Variants in RRP1 observed in about 807,000 individuals in gnomAD.
The protein encoded by RRP1 is ribosomal RNA processing 1.
In RRP1, 37 loss-of-function variants were observed where a neutral mutation model predicts 54.6. The ratio of observed to expected loss-of-function variants is 0.68; its 90% CI spans 0.52 to 0.89. RRP1 has a LOEUF of 0.89. Ranked by LOEUF, RRP1 falls within the 40% of genes least tolerant of loss-of-function variation. The pLI, the probability that RRP1 is intolerant of heterozygous loss-of-function variation, is 0.00. For synonymous variants in RRP1, 262 were observed against 244.3 expected (o/e 1.07, Z -0.67); for missense variants, 639 against 612.5 (o/e 1.04, Z -0.46).
chr21:43,796,700 A>G (rs2123413754), intron 5 of RRP1, among the ~76,000 whole-genome samples: 1 of 152,238 alleles, frequency 6.6e-6, no homozygotes, highest in Admixed American at 6.5e-5. Flanking sequence ...TTTCCTTTCC[A>G]TCACGAGTGA....
chr21:43,800,357 G>C lies in RRP1; in HGVS notation c.892-160G>C, dbSNP rs56307626. ...TGCCCGCTGTGCTGTAGAGTGGGTG[G>C]AGCTGCAGGACCCTCAGTGAGGGTG... On this transcript the variant is annotated intron_variant, in intron 9 of 12. Transcript: ENST00000497547. Among the ~76,000 whole-genome samples, 648 of 152,284 alleles carry C rather than the reference G, an allele frequency of 4.3e-3. 8 individuals carry two copies. Among genetic ancestry groups the C allele is most frequent in the African/African-American group, 0.015 (626 of 41,548 alleles).
chr21:43,802,954 A>C (rs2085109054), intron 12 of RRP1, among the ~76,000 whole-genome samples: 1 of 152,236 alleles, frequency 6.6e-6, no homozygotes, highest in South Asian at 2.1e-4. Flanking sequence ...CGGGCAGGGC[A>C]GGGGGCCCAT....
At chr21:43,795,128 T>G in intron 4 of RRP1, 61 bp from the exon 5 acceptor site, 2 of 1,468,532 alleles carry the variant, frequency 1.4e-6, no homozygotes, top group Non-Finnish European at 1.9e-6. Context: ...TACATGGGGA[T>G]GGGTGGTCTG....
At chr21:43,796,505 T>C (rs768340967) in intron 5 of RRP1, among the ~76,000 whole-genome samples, 1 of 152,200 alleles carries the variant, frequency 6.6e-6, no homozygotes, top group Non-Finnish European at 1.5e-5. Context: ...GTCCCAGTGC[T>C]GACAGTGGGG....
rs1892043554 is a variant in RRP1 at position 43,805,132 on chromosome 21, C to T, written c.*1358C>T. 1 of 152,282 alleles carries T rather than the reference C, an allele frequency of 6.6e-6. No individual in the cohort carries two copies. The highest frequency in any genetic ancestry group is 1.5e-5 in the Non-Finnish European group (1 of 68,140). The allele number at this position is 152,282 out of a possible 1,614,324, so 9.4% of individuals were successfully genotyped here. ...ATCTCTACTAAAATACAAAATTAGC[C>T]AGGCGTGGTGGCACATGCCTGTAAT... On this transcript the variant is annotated 3_prime_UTR_variant, in exon 13 of 13. Coordinates refer to ENST00000497547, the MANE Select transcript of RRP1 (RefSeq NM_003683.6).
chr21:43,802,524 C>T, intron 12 of RRP1, 137 bp downstream of exon 12: 1 of 692,998 alleles, frequency 1.4e-6, no homozygotes, highest in Non-Finnish European at 2.6e-6. Context: ...GCTATCCACG[C>T]ATCCCGGAAA....
intron 4 of RRP1, among the ~76,000 whole-genome samples, chr21:43,794,903 T>C (rs1402102351): frequency 1.3e-5 from 2 of 152,004 alleles, no homozygotes; most frequent in African/African-American, 4.8e-5. Context: ...ACTGGAGTCG[T>C]AGGACTGTCC....
At chr21:43,802,530 G>A (rs187365383) in intron 12 of RRP1, 143 bp downstream of exon 12, 76 of 671,566 alleles carry the variant, frequency 1.1e-4, no homozygotes, top group African/African-American at 9.5e-4. Context: ...CACGCATCCC[G>A]GAAATGCCCT....
intron 12 of RRP1, 76 bp downstream of exon 12, chr21:43,802,463 G>A: frequency 8.7e-7 from 1 of 1,145,670 alleles, no homozygotes; most frequent in Non-Finnish European, 1.3e-6. Context: ...GGGGTCACCT[G>A]CAGTGTCTCC....
intron 4 of RRP1, among the ~76,000 whole-genome samples, chr21:43,794,489 T>G (rs1431395539): frequency 6.6e-6 from 1 of 152,158 alleles, no homozygotes; most frequent in Non-Finnish European, 1.5e-5. Flanking sequence ...GCCTCCTGTG[T>G]CTGCAAGAAC....
chr21:43,792,677 AT>A lies in RRP1; in HGVS notation c.224del (p.Leu75Ter). The A allele has an allele frequency of 6.2e-7, 1 of 1,614,084 alleles. No homozygotes were observed. Among genetic ancestry groups the A allele is most frequent in the Non-Finnish European group, 8.5e-7 (1 of 1,179,948 alleles). On this transcript the variant is annotated frameshift_variant, in exon 3 of 13. Coordinates refer to ENST00000497547, the MANE Select transcript of RRP1 (RefSeq NM_003683.6). LOFTEE classifies it high-confidence loss of function. ...TTTTGTTGTTTCCTACACAGGAAGA[AT>A]TAGGAAGGACTATTTCCCAGCTCGT... ...MQDKPLLQEE[L>X]GRTISQLVHA...
intron 3 of RRP1, 98 bp downstream of exon 3, chr21:43,792,827 A>T: frequency 7.6e-7 from 1 of 1,307,426 alleles, no homozygotes; most frequent in South Asian, 1.2e-5. Flanking sequence ...TCAAATCCAG[A>T]GTAAGGAATG....
chr21:43,790,110 T>G (rs539952226), intron 1 of RRP1, among the ~76,000 whole-genome samples: 2 of 152,272 alleles, frequency 1.3e-5, no homozygotes, highest in Non-Finnish European at 2.9e-5. Context: ...TTCCCACTGT[T>G]TGCAGTTTTC....
chr21:43,798,548 C>T (rs796785286), intron 8 of RRP1, among the ~76,000 whole-genome samples: 28 of 152,272 alleles, frequency 1.8e-4, no homozygotes, highest in African/African-American at 6.3e-4. Flanking sequence ...TCGTGTTCCT[C>T]GTTCCTGGCC....
intron 4 of RRP1, 94 bp downstream of exon 4, chr21:43,793,498 C>T (rs376757831): frequency 9.4e-7 from 1 of 1,068,918 alleles, no homozygotes. Context: ...GGGAGGCAAC[C>T]TGAGGCAGTG....
intron 8 of RRP1, 46 bp downstream of exon 8, chr21:43,798,146 G>A: frequency 6.6e-7 from 1 of 1,520,632 alleles, no homozygotes. Flanking sequence ...CCTGTCCTGG[G>A]CTGAGCCAGT....
chr21:43,804,125 C>T lies in RRP1; in HGVS notation c.*351C>T. 3.9e-6 allele frequency: 1 copy of T among 257,776 alleles called. No individual in the cohort carries two copies. Among genetic ancestry groups the T allele is most frequent in the Non-Finnish European group, 7.4e-6 (1 of 135,988 alleles). 16.0% of individuals were successfully genotyped at this position (257,776 alleles called of 1,614,324 possible). ...GGGGAAGTGTCGCTTCAGGTGTGTC[C>T]TACGGACGTGTGGGAGGTGGCAGGC... On this transcript the variant is annotated 3_prime_UTR_variant, in exon 13 of 13. Transcript: ENST00000497547. This position sits in a 1 kb window ranked among gnomAD's most constrained non-coding sequence, Gnocchi z 4.3.
At position 43,803,012 on chromosome 21, in the gene RRP1, T is replaced by C. The variant is rs190530856; in HGVS notation, c.1124-500T>C. On this transcript the variant is annotated intron_variant, in intron 12 of 12. Transcript: ENST00000497547. Reference sequence around the variant, plus strand: ...GGCACATGGTGGCTTTGCCCCACACTGGGAAGCCTTCCCTGTTACTCTCTC... The same window carrying C: ...GGCACATGGTGGCTTTGCCCCACACCGGGAAGCCTTCCCTGTTACTCTCTC... 8.5e-5 allele frequency among the ~76,000 whole-genome samples: 13 copies of C among 152,358 alleles called. No homozygotes were observed. In the East Asian group the frequency reaches 2.1e-3, roughly 25 times the overall value.
chr21:43,803,619 G>A lies in RRP1; in HGVS notation c.1231G>A (p.Gly411Ser), dbSNP rs1167480277. The change falls in exon 13 of 13, where the codon GGC becomes AGC. Residue 411 changes from glycine (G) to serine (S), a missense_variant. Coordinates refer to ENST00000497547, the MANE Select transcript of RRP1 (RefSeq NM_003683.6). ...GCGGGCAGAGGCTGGTGAGCAGCCA[G>A]GCACAGCTGAGCGGGCCCTGCTCCG... ...EARAEAGEQPGTAERALLRDQ... is the reference protein window; with the variant it reads ...EARAEAGEQPSTAERALLRDQ... 2 of 1,551,170 alleles carry A rather than the reference G, an allele frequency of 1.3e-6. No individual in the cohort carries two copies. The highest frequency in any genetic ancestry group is 2.7e-5 in the African/African-American group (2 of 73,122).
Sources: allele counts gnomAD v4.1 joint callset (sites outside exome capture counted in the v4.1 genomes callset), GRCh38; gene constraint gnomAD v4.1.1; non-coding constraint Gnocchi (gnomAD v3.1); transcripts MANE v1.5; gene names NCBI Gene and HGNC (gene_info 2026-07-23, HGNC 2026-07-21).